PDGFA: variants seen among roughly 807,000 people sequenced by gnomAD.
The protein encoded by PDGFA is platelet-derived growth factor subunit A.
In PDGFA, 9 loss-of-function variants were observed where a neutral mutation model predicts 25.6. That is an observed-to-expected ratio of 0.35 (90% confidence interval 0.21 to 0.61). The LOEUF (loss-of-function observed/expected upper bound fraction) is 0.61. PDGFA is among the 20% of genes least tolerant of loss of function. The pLI is 0.75. For synonymous variants in PDGFA, 133 were observed against 111.8 expected, an observed-to-expected ratio of 1.19 and a Z score of -1.20; for missense variants, 242 against 272.8, an observed-to-expected ratio of 0.89 and a Z score of 0.79.
At chr7:516,377 A>C (rs1029716394) in intron 2 of PDGFA, among the ~76,000 whole-genome samples, 1 of 152,106 alleles carries the variant, frequency 6.6e-6, no homozygotes, top group African/African-American at 2.4e-5. Context: ...ATGTGATTTC[A>C]CTTAATCCCC....
chr7:511,016 G>A lies in PDGFA; in HGVS notation c.266-20C>T, dbSNP rs1454689518. 4.4e-6 allele frequency: 7 copies of A among 1,604,156 alleles called. No individual in the cohort carries two copies. Among genetic ancestry groups the A allele is most frequent in the East Asian group, 4.5e-5 (2 of 44,706 alleles). ...CTTCCTCTGCAACGGCGGGGGCACA[G>A]TGAGCGGGGACCGGCCTCTGCGACC... On this transcript the variant is annotated intron_variant, in intron 3 of 5. Transcript: ENST00000402802.
rs960105143 is a variant in PDGFA, at chr7:500,264, G to C, written c.580+852C>G. On this transcript the variant is annotated intron_variant, in intron 5 of 5. Coordinates refer to ENST00000402802, the Ensembl canonical transcript of PDGFA. This position sits in a 1 kb window ranked among gnomAD's most constrained non-coding sequence, Gnocchi z 5.0. ...CGGGCCAGGGCGTTCTGCGAGGCAG[G>C]AGCGGACGGGGAGCAAGGAGACCCA... Among the ~76,000 whole-genome samples, 6 of 152,218 alleles carry C rather than the reference G, an allele frequency of 3.9e-5. No individual in the cohort carries two copies. The highest frequency in any genetic ancestry group is 1.4e-4 in the African/African-American group (6 of 41,468).
intron 2 of PDGFA, among the ~76,000 whole-genome samples, chr7:516,683 TC>T (rs1314000231): frequency 5.0e-5 from 7 of 139,570 alleles, no homozygotes; most frequent in African/African-American, 7.8e-5. Flanking sequence ...TCCACCGGGG[TC>T]CCCCGGGGTG....
chr7:504,444 G>A (rs995319367), intron 4 of PDGFA, among the ~76,000 whole-genome samples: 11 of 152,092 alleles, frequency 7.2e-5, no homozygotes, highest in African/African-American at 2.4e-4. Flanking sequence ...AGGGATCCCA[G>A]TGCGCAAAAC....
Position 509,883 on chromosome 7 carries a change from G to C in PDGFA, c.453+926C>G, listed in dbSNP as rs570099352. ...ACCACCCCCAACTTAAAGAAAGAGGGGCTCACCCTGGGATTCTATGGAAGG... is the reference window on the plus strand; with the variant it reads ...ACCACCCCCAACTTAAAGAAAGAGGCGCTCACCCTGGGATTCTATGGAAGG... On this transcript the variant is annotated intron_variant, in intron 4 of 5. Transcript: ENST00000402802. 2.6e-5 allele frequency among the ~76,000 whole-genome samples: 4 copies of C among 152,288 alleles called. No individual in the cohort carries two copies. The East Asian group carries it at 7.7e-4, about 29-fold the overall frequency.
chr7:512,165 G>C (rs962838618), intron 3 of PDGFA, among the ~76,000 whole-genome samples, 186 bp downstream of exon 3: 2 of 152,196 alleles, frequency 1.3e-5, no homozygotes, highest in Non-Finnish European at 2.9e-5. Context: ...GGCCTCGGGA[G>C]AGGCCAGAGC....
chr7:507,077 C>T (rs922902155), intron 4 of PDGFA, among the ~76,000 whole-genome samples: 1 of 152,238 alleles, frequency 6.6e-6, no homozygotes, highest in South Asian at 2.1e-4. Context: ...ACAGCCGCCT[C>T]CATCCGCAGC....
At chr7:510,831 C>A in exon 4 of PDGFA, 5 of 1,595,116 alleles carry the variant, frequency 3.1e-6, no homozygotes, top group East Asian at 2.3e-5. Context: ...GTGGTGGACG[C>A]GGGAGGGCTG....
chr7:515,237 C>G (rs1247685349), intron 2 of PDGFA, among the ~76,000 whole-genome samples: 1 of 152,176 alleles, frequency 6.6e-6, no homozygotes, highest in Non-Finnish European at 1.5e-5. Context: ...TCCCAGCACC[C>G]AGCCCCTTCC....
Position 508,444 on chromosome 7 carries a change from G to A in PDGFA, c.453+2365C>T, listed in dbSNP as rs565327446. 3.1e-3 allele frequency among the ~76,000 whole-genome samples: 463 copies of A among 151,062 alleles called. 1 individual carries two copies. The highest frequency in any genetic ancestry group is 7.0e-3 in the South Asian group (33 of 4,732). On this transcript the variant is annotated intron_variant, in intron 4 of 5. Coordinates refer to ENST00000402802, the Ensembl canonical transcript of PDGFA. ...TAGCCAGGCATGGTGGCATGCACCTGTAGCATTCAGGAGGCTTAGGTGGGA... is the reference window on the plus strand; with the variant it reads ...TAGCCAGGCATGGTGGCATGCACCTATAGCATTCAGGAGGCTTAGGTGGGA...
chr7:510,018 C>T (rs2128399441), intron 4 of PDGFA, among the ~76,000 whole-genome samples: 1 of 145,488 alleles, frequency 6.9e-6, no homozygotes, highest in South Asian at 2.2e-4. Context: ...CTTCAAAAGG[C>T]AATGCAGGCT....
In PDGFA at chr7:511,289, G is replaced by A. The variant is rs1238170335; in HGVS notation, c.266-293C>T. On this transcript the variant is annotated intron_variant, in intron 3 of 5. Coordinates refer to ENST00000402802, the Ensembl canonical transcript of PDGFA. ...TAGTCCAGGTGGGGCCAGTGGCTGG[G>A]GGTGGGGAGAGGGGAACTTAGTCCA... 2.7e-3 allele frequency among the ~76,000 whole-genome samples: 220 copies of A among 82,118 alleles called. 4 individuals carry two copies. The highest frequency in any genetic ancestry group is 0.011 in the African/African-American group (144 of 12,992). The allele number at this position is 82,118 out of a possible 152,430, so 53.9% of individuals were successfully genotyped here. A position where few individuals can be genotyped will look rare whatever the true frequency, so the allele number is the denominator to read the frequency against.
intron 4 of PDGFA, among the ~76,000 whole-genome samples, chr7:502,834 C>T (rs957307047): frequency 1.3e-5 from 2 of 151,418 alleles, no homozygotes; most frequent in Non-Finnish European, 1.5e-5. Context: ...GGCCCTGTCA[C>T]GGGAACACAA....
chr7:520,204 G>C (rs1298808178), upstream of PDGFA: 7 of 230,538 alleles, frequency 3.0e-5, no homozygotes, highest in Non-Finnish European at 6.2e-5. Flanking sequence ...CGCCTCTCTC[G>C]GGCCCCAGCG....
At chr7:514,550 CT>C (rs1261549430) in intron 2 of PDGFA, among the ~76,000 whole-genome samples, 3 of 152,192 alleles carry the variant, frequency 2.0e-5, no homozygotes, top group African/African-American at 7.2e-5. Flanking sequence ...AGAATCACCC[CT>C]AAAACTGCTC....
Position 517,546 on chromosome 7 carries a change from CCCCCGGCCGCCAGGAGCGCCGCCG to C in PDGFA, c.64-80_64-57del. On this transcript the variant is annotated intron_variant, in intron 1 of 5. Coordinates refer to ENST00000402802, the Ensembl canonical transcript of PDGFA. This position sits in a 1 kb window ranked among gnomAD's most constrained non-coding sequence, Gnocchi z 7.4. Reference sequence around the variant, plus strand: ...GCGGCCCCGACCCCGCCGGCACGCGCCCCCGGCCGCCAGGAGCGCCGCCGCCCCGGGCCCGAGGAGACCCCGCGA... The same window carrying C: ...GCGGCCCCGACCCCGCCGGCACGCGCCCCCGGGCCCGAGGAGACCCCGCGA... 1 of 792,394 alleles carries C rather than the reference CCCCCGGCCGCCAGGAGCGCCGCCG, an allele frequency of 1.3e-6. No individual in the cohort carries two copies. Among genetic ancestry groups the C allele is most frequent in the Non-Finnish European group, 1.6e-6 (1 of 625,592 alleles). 49.1% of individuals were successfully genotyped at this position (792,394 alleles called of 1,614,324 possible). A position where few individuals can be genotyped will look rare whatever the true frequency, so the allele number is the denominator to read the frequency against.
exon 1 of PDGFA, chr7:519,210 A>C: frequency 4.2e-6 from 1 of 237,116 alleles, no homozygotes; most frequent in Non-Finnish European, 8.2e-6. Flanking sequence ...AGGAGGAGAA[A>C]CAGGGAGTGC....
chr7:510,707 GGGAGGGGAGGGGAGGGGAGA>G, intron 4 of PDGFA, 82 bp downstream of exon 4: 10 of 451,746 alleles, frequency 2.2e-5, no homozygotes, highest in Admixed American at 4.2e-5. Context: ...GGCTTGGGTG[GGGAGGGGAGGGGAGGGGAGA>G]GGAGGGGAGG....
At chr7:502,360 G>A (rs553346716) in intron 4 of PDGFA, among the ~76,000 whole-genome samples, 11,798 of 114,904 alleles carry the variant, frequency 0.1, 627 homozygotes, top group Middle Eastern at 0.18. Flanking sequence ...CCACCTCCCC[G>A]CCGGCCCCAG....
Sources: allele counts gnomAD v4.1 joint callset (sites outside exome capture counted in the v4.1 genomes callset), GRCh38; gene constraint gnomAD v4.1.1; non-coding constraint Gnocchi (gnomAD v3.1); transcripts MANE v1.5; gene names NCBI Gene and HGNC (gene_info 2026-07-23, HGNC 2026-07-21).